The following CDC14B variants were observed in gnomAD, a reference collection of about 807,000 sequenced individuals.
CDC14B encodes dual specificity protein phosphatase CDC14B.
Under a neutral mutation model 64.2 loss-of-function variants are expected in CDC14B, and 22 were observed. The ratio of observed to expected loss-of-function variants is 0.34; its 90% CI spans 0.24 to 0.49. The LOEUF (loss-of-function observed/expected upper bound fraction) is 0.49, where lower values mean the gene tolerates loss of function less well. Among genes scored for constraint, CDC14B ranks in the 20% least tolerant of loss-of-function variants. The probability of loss-of-function intolerance (pLI) is 0.99; values close to 1 mark genes in which losing one functional copy is unlikely to be tolerated. For synonymous variants in CDC14B, 191 were observed against 215.8 expected, an observed-to-expected ratio of 0.89 and a Z score of 1.01; for missense variants, 498 against 629.9, an observed-to-expected ratio of 0.79 and a Z score of 2.24.
intron 12 of CDC14B, among the ~76,000 whole-genome samples, chr9:96,516,365 A>G (rs370204256): frequency 6.6e-6 from 1 of 152,208 alleles, no homozygotes; most frequent in Non-Finnish European, 1.5e-5. Context: ...ACACAAAATG[A>G]GCAAAATTTC....
rs1225167888 is a variant in CDC14B at position 96,502,917 on chromosome 9, T to G, written c.*836A>C. On this transcript the variant is annotated 3_prime_UTR_variant, in exon 14 of 14. Coordinates refer to ENST00000375241, the MANE Select transcript of CDC14B (RefSeq NM_033331.4). ...TGTTTCCAAGGGGAAAAACCAATAG[T>G]GTGTTTCTTCCATTCATGGAAGGAA... is the stretch of plus-strand genomic sequence containing the variant. 3.8e-5 allele frequency: 15 copies of G among 398,144 alleles called. No homozygotes were observed. 24.7% of individuals were successfully genotyped at this position (398,144 alleles called of 1,614,324 possible).
At chr9:96,599,197 T>A (rs1023731662) in intron 1 of CDC14B, among the ~76,000 whole-genome samples, 4 of 152,092 alleles carry the variant, frequency 2.6e-5, no homozygotes, top group Non-Finnish European at 5.9e-5. Context: ...TTGGCCAACA[T>A]GGCAAAACCC....
At chr9:96,498,762 T>C (rs181619320), downstream of CDC14B, among the ~76,000 whole-genome samples, 1 of 152,226 alleles carries the variant, frequency 6.6e-6, no homozygotes, top group African/African-American at 2.4e-5. Context: ...TTATTTTAAC[T>C]CTCATACCAA....
chr9:96,527,415 A>T (rs1472803536), intron 9 of CDC14B, among the ~76,000 whole-genome samples: 1 of 152,074 alleles, frequency 6.6e-6, no homozygotes. Flanking sequence ...AAAAACAAAA[A>T]AATTCTGTAT....
intron 1 of CDC14B, among the ~76,000 whole-genome samples, chr9:96,572,491 T>C (rs1844536673): frequency 6.6e-6 from 1 of 152,098 alleles, no homozygotes; most frequent in South Asian, 2.1e-4. Context: ...GTGTTGATAA[T>C]TGCTGTGTTG....
chr9:96,560,550 T>C (rs1333195195), intron 4 of CDC14B, among the ~76,000 whole-genome samples: 1 of 151,876 alleles, frequency 6.6e-6, no homozygotes, highest in African/African-American at 2.4e-5. Context: ...ACTCTTTTTC[T>C]TTCTTGGGTT....
Position 96,503,722 on chromosome 9 carries a change from T to C in CDC14B, c.*31A>G. 1 of 1,603,770 alleles carries C rather than the reference T, an allele frequency of 6.2e-7. No individual in the cohort carries two copies. The highest frequency in any genetic ancestry group is 2.2e-5 in the East Asian group (1 of 44,828). ...TCTGTTGCAGTTTTCAGTCCTAGAGTCTTCCTTCAGCTCTGGTCACAGGTT... is the reference window on the plus strand; with the variant it reads ...TCTGTTGCAGTTTTCAGTCCTAGAGCCTTCCTTCAGCTCTGGTCACAGGTT... On this transcript the variant is annotated 3_prime_UTR_variant, in exon 14 of 14. Coordinates refer to ENST00000375241, the MANE Select transcript of CDC14B (RefSeq NM_033331.4).
At chr9:96,618,080 A>ATTCT (rs1847750311) in intron 1 of CDC14B, among the ~76,000 whole-genome samples, 1 of 152,200 alleles carries the variant, frequency 6.6e-6, no homozygotes. Flanking sequence ...AAAGCCGAGA[A>ATTCT]ACCCGCTCTG....
At chr9:96,573,252 C>T (rs1479788336) in intron 1 of CDC14B, among the ~76,000 whole-genome samples, 6 of 152,112 alleles carry the variant, frequency 3.9e-5, no homozygotes, top group East Asian at 1.9e-4. Context: ...CAGAGGTTGC[C>T]GTGAGCCCAG....
chr9:96,520,940 T>C (rs1426533703), intron 12 of CDC14B, among the ~76,000 whole-genome samples: 1 of 152,116 alleles, frequency 6.6e-6, no homozygotes, highest in African/African-American at 2.4e-5. Context: ...AGTATCTGGA[T>C]GATTACCTGG....
intron 12 of CDC14B, among the ~76,000 whole-genome samples, chr9:96,521,896 T>C (rs1836784574): frequency 6.6e-6 from 1 of 152,226 alleles, no homozygotes. Flanking sequence ...TGCATATTTT[T>C]CTAACAATCT....
At chr9:96,591,557 T>C (rs921129924) in intron 1 of CDC14B, among the ~76,000 whole-genome samples, 5 of 152,140 alleles carry the variant, frequency 3.3e-5, no homozygotes, top group African/African-American at 1.2e-4. Flanking sequence ...TTGTTTTGGA[T>C]ATTCAATATC....
chr9:96,590,455 G>C (rs1260911658), intron 1 of CDC14B, among the ~76,000 whole-genome samples: 1 of 152,156 alleles, frequency 6.6e-6, no homozygotes, highest in Non-Finnish European at 1.5e-5. Flanking sequence ...CTGGACATAA[G>C]TGTAAAAGTA....
At chr9:96,498,836 C>A (rs1286730540), downstream of CDC14B, among the ~76,000 whole-genome samples, 1 of 152,214 alleles carries the variant, frequency 6.6e-6, no homozygotes, top group South Asian at 2.1e-4. Flanking sequence ...AGGGGATGAG[C>A]AAATCCCGCA....
rs1847850691 is a variant in CDC14B at position 96,619,578 on chromosome 9, C to T, written c.-200G>A. Reference sequence around the variant, plus strand: ...AGGAGCCCGGCCCACAGCGCCTGCCCCGCTGCCTCCCGCGGCCGCCGCAGG... The same window carrying T: ...AGGAGCCCGGCCCACAGCGCCTGCCTCGCTGCCTCCCGCGGCCGCCGCAGG... On this transcript the variant is annotated 5_prime_UTR_variant, in exon 1 of 14. Coordinates refer to ENST00000375241, the MANE Select transcript of CDC14B (RefSeq NM_033331.4). 6.7e-6 allele frequency: 1 copy of T among 149,434 alleles called. No homozygotes were observed. The highest frequency in any genetic ancestry group is 1.5e-5 in the Non-Finnish European group (1 of 68,680). 9.3% of individuals were successfully genotyped at this position (149,434 alleles called of 1,614,324 possible). A position where few individuals can be genotyped will look rare whatever the true frequency, so the allele number is the denominator to read the frequency against.
At chr9:96,529,205 T>C (rs985208299) in intron 9 of CDC14B, among the ~76,000 whole-genome samples, 3 of 152,222 alleles carry the variant, frequency 2.0e-5, no homozygotes, top group Admixed American at 6.5e-5. Flanking sequence ...AAGAGTTTTA[T>C]AGTTTTAAGT....
chr9:96,527,761 G>A (rs192476321), intron 9 of CDC14B, among the ~76,000 whole-genome samples: 35 of 151,960 alleles, frequency 2.3e-4, no homozygotes, highest in East Asian at 7.8e-4. Context: ...GACTACAGGC[G>A]CCCACCACCA....
In CDC14B at chr9:96,553,603, C is replaced by T. The variant is rs1326186204; in HGVS notation, c.421-1731G>A. Among the ~76,000 whole-genome samples, 3 of 151,990 alleles carry T rather than the reference C, an allele frequency of 2.0e-5. No individual in the cohort carries two copies. The South Asian group carries it at 6.2e-4, about 31-fold the overall frequency. On this transcript the variant is annotated intron_variant, in intron 4 of 13. Transcript: ENST00000375241. The stretch of plus-strand genomic sequence containing the variant: ...CTCAAACTCCTGACTTCAGGTGATC[C>T]GCCTGCCTCGGCCTCCCAAAGTGCT...
At chr9:96,574,101 C>T (rs1844645390) in intron 1 of CDC14B, among the ~76,000 whole-genome samples, 1 of 151,120 alleles carries the variant, frequency 6.6e-6, no homozygotes. Context: ...ACGCCGAGAT[C>T]GCACCACTGA....
Sources: allele counts gnomAD v4.1 joint callset (sites outside exome capture counted in the v4.1 genomes callset), GRCh38; gene constraint gnomAD v4.1.1; transcripts MANE v1.5; gene names NCBI Gene and HGNC (gene_info 2026-07-23, HGNC 2026-07-21).